SCRG1: variants seen among roughly 807,000 people sequenced by gnomAD.
SCRG1 encodes stimulator of chondrogenesis 1.
A neutral mutation model predicts 7.7 loss-of-function variants in SCRG1; 3 were observed. The observed-to-expected ratio is 0.39, with a 90% CI of 0.18 to 1.01. SCRG1 has a LOEUF of 1.01. Ranked by LOEUF, SCRG1 falls within the 50% of genes least tolerant of loss-of-function variation. SCRG1 has a pLI of 0.36. For synonymous variants in SCRG1, 46 were observed against 41.2 expected, an observed-to-expected ratio of 1.12 and a Z score of -0.44; for missense variants, 110 against 117.2, an observed-to-expected ratio of 0.94 and a Z score of 0.28.
At chr4:173,484,411 TATAATATATATTATATATTATATACA>T in the SCRG1 span, among the ~76,000 whole-genome samples, 1 of 74,236 alleles carries the variant, frequency 1.3e-5, no homozygotes, top group African/African-American at 5.7e-5. Context: ...ATTATATACA[TATAATATATATTATATATTATATACA>T]TATGATATAT....
the SCRG1 span, among the ~76,000 whole-genome samples, chr4:173,476,359 A>ATATATAT: frequency 2.1e-4 from 5 of 24,256 alleles, no homozygotes; most frequent in East Asian, 1.3e-3. Context: ...AGGGGGAAAA[A>ATATATAT]AAAAATATAT....
the SCRG1 span, among the ~76,000 whole-genome samples, chr4:173,507,425 G>A: frequency 1.1e-4 from 16 of 152,280 alleles, no homozygotes; most frequent in East Asian, 2.1e-3. This position sits in a 1 kb window ranked among gnomAD's most constrained non-coding sequence, Gnocchi z 4.4. Context: ...GGCCAGGCTG[G>A]TCTTGAACTC....
At position 173,386,030 on chromosome 4, in the gene SCRG1, C is replaced by A. The variant is rs1250194150; in HGVS notation, c.*2311G>T. On this transcript the variant is annotated 3_prime_UTR_variant, in exon 3 of 3. Transcript: ENST00000296506. ...ATCACATGCTATCTTGATAAAACAA[C>A]TAATATTATCCATCTACCTACCTAT... The A allele has an allele frequency of 6.6e-6, 1 of 152,180 alleles. No homozygotes were observed. Among genetic ancestry groups the A allele is most frequent in the African/African-American group, 2.4e-5 (1 of 41,452 alleles). 9.4% of individuals were successfully genotyped at this position (152,180 alleles called of 1,614,324 possible).
the SCRG1 span, among the ~76,000 whole-genome samples, chr4:173,458,562 T>G: frequency 6.6e-6 from 1 of 151,950 alleles, no homozygotes; most frequent in African/African-American, 2.4e-5. Context: ...ATCACCATCA[T>G]GAAAACACAC....
At chr4:173,400,379 CA>C (rs1385786053), upstream of SCRG1, among the ~76,000 whole-genome samples, 1 of 152,090 alleles carries the variant, frequency 6.6e-6, no homozygotes, top group Admixed American at 6.5e-5. Flanking sequence ...AAAAAGAATA[CA>C]AAAGTTTTGG....
At chr4:173,436,840 G>C in the SCRG1 span, among the ~76,000 whole-genome samples, 4 of 151,974 alleles carry the variant, frequency 2.6e-5, no homozygotes, top group African/African-American at 9.7e-5. Flanking sequence ...TATGTGTTTG[G>C]ATTTTCACTA....
rs1291849596 is a variant in SCRG1 at position 173,386,996 on chromosome 4, A to C, written c.*1345T>G. On this transcript the variant is annotated 3_prime_UTR_variant, in exon 3 of 3. Transcript: ENST00000296506. ...TCACATACCTCTTAAGTTATGGGGC[A>C]TAATCCAAAGCTGTCTCCTCTAACA... The C allele has an allele frequency of 6.6e-6, 1 of 152,228 alleles. No individual in the cohort carries two copies. Among genetic ancestry groups the C allele is most frequent in the Non-Finnish European group, 1.5e-5 (1 of 68,034 alleles). The allele number at this position is 152,228 out of a possible 1,614,324, so 9.4% of individuals were successfully genotyped here. A position where few individuals can be genotyped will look rare whatever the true frequency, so the allele number is the denominator to read the frequency against.
chr4:173,430,682 C>T, the SCRG1 span, among the ~76,000 whole-genome samples: 2 of 151,926 alleles, frequency 1.3e-5, no homozygotes, highest in African/African-American at 4.8e-5. Flanking sequence ...TGGCATGCAC[C>T]TGTAGTCCCA....
At chr4:173,420,718 A>AG in the SCRG1 span, among the ~76,000 whole-genome samples, 1 of 152,070 alleles carries the variant, frequency 6.6e-6, no homozygotes, top group Non-Finnish European at 1.5e-5. Context: ...AAAAAAAAAA[A>AG]GAAAAGCAAA....
At chr4:173,479,420 T>C in the SCRG1 span, among the ~76,000 whole-genome samples, 2,631 of 151,416 alleles carry the variant, frequency 0.017, 81 homozygotes, top group African/African-American at 0.059. Context: ...CACAACCTGT[T>C]TTTTTTGTTT....
At chr4:173,518,687 C>A in the SCRG1 span, among the ~76,000 whole-genome samples, 18 of 152,280 alleles carry the variant, frequency 1.2e-4, no homozygotes, top group Admixed American at 1.1e-3. Context: ...CCAATCCCAG[C>A]GGTTAGCCCC....
At chr4:173,509,811 C>T in the SCRG1 span, among the ~76,000 whole-genome samples, 1 of 152,140 alleles carries the variant, frequency 6.6e-6, no homozygotes, top group African/African-American at 2.4e-5. The surrounding 1 kb of genome is among the most constrained non-coding windows in gnomAD (Gnocchi z 5.7). Context: ...GAAACCGACT[C>T]TTTTGCAAGA....
chr4:173,418,851 A>G, the SCRG1 span, among the ~76,000 whole-genome samples: 3 of 152,050 alleles, frequency 2.0e-5, no homozygotes, highest in Non-Finnish European at 4.4e-5. Context: ...CTCTGGCCAT[A>G]TAAGACATGC....
the SCRG1 span, among the ~76,000 whole-genome samples, chr4:173,413,254 G>A: frequency 6.6e-6 from 1 of 152,244 alleles, no homozygotes; most frequent in Non-Finnish European, 1.5e-5. Context: ...AGAGTTGTTA[G>A]GAGAAGCAGA....
chr4:173,464,146 C>A, the SCRG1 span, among the ~76,000 whole-genome samples: 1 of 152,180 alleles, frequency 6.6e-6, no homozygotes, highest in South Asian at 2.1e-4. Context: ...AGCATCTGAA[C>A]ACATGAGTAA....
chr4:173,474,079 C>A, the SCRG1 span, among the ~76,000 whole-genome samples: 1 of 152,088 alleles, frequency 6.6e-6, no homozygotes, highest in East Asian at 1.9e-4. Flanking sequence ...ACTCAGGAGG[C>A]TGAGGCAAGG....
At chr4:173,396,702 A>G (rs1371747324) in intron 1 of SCRG1, among the ~76,000 whole-genome samples, 1 of 78,548 alleles carries the variant, frequency 1.3e-5, no homozygotes, top group African/African-American at 4.1e-5. Context: ...GCAAGTACCT[A>G]CTGGTAGTTT....
chr4:173,517,986 C>G, the SCRG1 span, among the ~76,000 whole-genome samples: 1 of 152,266 alleles, frequency 6.6e-6, no homozygotes, highest in Admixed American at 6.5e-5. Flanking sequence ...CCCAGAGGCT[C>G]TTTTGTAAGC....
At chr4:173,478,860 T>C in the SCRG1 span, among the ~76,000 whole-genome samples, 15 of 152,280 alleles carry the variant, frequency 9.9e-5, no homozygotes, top group East Asian at 2.1e-3. Flanking sequence ...TTAGGAATGA[T>C]GTTTGATTCC....
Sources: gnomAD v4.1 joint callset for allele counts (sites outside exome capture counted in the v4.1 genomes callset) on GRCh38, gnomAD v4.1.1 for gene constraint, Gnocchi (gnomAD v3.1) non-coding constraint, MANE v1.5 for transcripts, NCBI Gene and HGNC (gene_info 2026-07-23, HGNC 2026-07-21) for gene names.